The following NEGR1 variants were observed in gnomAD, a reference collection of about 807,000 sequenced individuals.
NEGR1 encodes the protein IgLON family member 4.
In NEGR1, 10 loss-of-function variants were observed where a neutral mutation model predicts 40.9. The ratio of observed to expected loss-of-function variants is 0.24; its 90% CI spans 0.15 to 0.42. NEGR1 has a LOEUF of 0.42. Ranked by LOEUF, NEGR1 falls within the 10% of genes least tolerant of loss-of-function variation. The pLI is 1.00. For synonymous variants in NEGR1, 185 were observed against 166.8 expected, an observed-to-expected ratio of 1.11 and a Z score of -0.84; for missense variants, 352 against 438.9, an observed-to-expected ratio of 0.80 and a Z score of 1.77.
At chr1:71,918,877 G>A (rs537334712) in intron 2 of NEGR1, among the ~76,000 whole-genome samples, 54 of 152,172 alleles carry the variant, frequency 3.5e-4, no homozygotes, top group Admixed American at 1.5e-3. Flanking sequence ...CAAGTTTATC[G>A]ATTAAAACCC....
chr1:71,434,688 A>G (rs902790612), intron 6 of NEGR1, among the ~76,000 whole-genome samples: 2 of 152,236 alleles, frequency 1.3e-5, no homozygotes, highest in Admixed American at 1.3e-4. Flanking sequence ...CATTATAAGA[A>G]AAAGTCGAAT....
At chr1:72,257,321 C>CAAAAAAA (rs34220734) in intron 1 of NEGR1, among the ~76,000 whole-genome samples, 33 of 57,118 alleles carry the variant, frequency 5.8e-4, no homozygotes, top group African/African-American at 1.9e-3. Flanking sequence ...GACTCTGTCT[C>CAAAAAAA]AAAAAAAAAA....
At chr1:71,502,107 A>ATAAATCTAAG (rs1647003415) in intron 6 of NEGR1, among the ~76,000 whole-genome samples, 1 of 152,196 alleles carries the variant, frequency 6.6e-6, no homozygotes, top group East Asian at 1.9e-4. Flanking sequence ...TCAAAGCATG[A>ATAAATCTAAG]TAAATCTAAG....
intron 4 of NEGR1, among the ~76,000 whole-genome samples, chr1:71,684,133 G>A (rs1322859159): frequency 4.6e-5 from 7 of 151,994 alleles, no homozygotes. Flanking sequence ...AGCCGGGCGT[G>A]GTGGTGGGCG....
At chr1:71,833,644 A>T (rs1267736265) in intron 2 of NEGR1, among the ~76,000 whole-genome samples, 2 of 152,108 alleles carry the variant, frequency 1.3e-5, no homozygotes, top group African/African-American at 4.8e-5. Context: ...AAGCTGGGTC[A>T]GTCTTTCAGC....
At chr1:71,706,118 C>T (rs942158437) in intron 3 of NEGR1, among the ~76,000 whole-genome samples, 7 of 152,210 alleles carry the variant, frequency 4.6e-5, no homozygotes, top group Non-Finnish European at 8.8e-5. Flanking sequence ...CCAGCCACCC[C>T]CTTCCCCAAG....
rs1331454867 is a variant in NEGR1, at chr1:71,402,503, G to A, written c.*4943C>T. The A allele has an allele frequency of 2.0e-5, 3 of 152,098 alleles. No homozygotes were observed. The highest frequency in any genetic ancestry group is 4.4e-5 in the Non-Finnish European group (3 of 67,982). The allele number at this position is 152,098 out of a possible 1,614,324, so 9.4% of individuals were successfully genotyped here. A position where few individuals can be genotyped will look rare whatever the true frequency, so the allele number is the denominator to read the frequency against. On this transcript the variant is annotated 3_prime_UTR_variant, in exon 7 of 7. Transcript: ENST00000357731. ...TCTTTTCCTTTTCTCTAGGAATACC[G>A]GAAAGCATGTATTTGTTTGCTAAAT...
chr1:71,555,132 G>C (rs1240086571), intron 6 of NEGR1, among the ~76,000 whole-genome samples: 5 of 151,602 alleles, frequency 3.3e-5, no homozygotes, highest in Admixed American at 1.3e-4. Context: ...AGAAGCCCTA[G>C]TTGGCCATTG....
At chr1:72,047,685 T>C (rs1267826493) in intron 1 of NEGR1, among the ~76,000 whole-genome samples, 1 of 151,446 alleles carries the variant, frequency 6.6e-6, no homozygotes, top group Non-Finnish European at 1.5e-5. Flanking sequence ...TTATAAGTAA[T>C]CACTCTACTC....
intron 2 of NEGR1, among the ~76,000 whole-genome samples, chr1:71,930,549 T>A (rs1183163312): frequency 3.9e-5 from 6 of 152,202 alleles, no homozygotes; most frequent in Non-Finnish European, 7.4e-5. Context: ...TGAATACTCC[T>A]CCATAAGCCA....
intron 5 of NEGR1, among the ~76,000 whole-genome samples, chr1:71,608,096 T>C (rs971947223): frequency 6.6e-6 from 1 of 152,222 alleles, no homozygotes; most frequent in Admixed American, 6.5e-5. Flanking sequence ...TCCTACTCCC[T>C]GCATATGCTC....
At chr1:71,713,463 G>A (rs774242451) in intron 3 of NEGR1, among the ~76,000 whole-genome samples, 7 of 152,186 alleles carry the variant, frequency 4.6e-5, no homozygotes, top group East Asian at 1.9e-4. Context: ...CTCCATCAAA[G>A]GAGTGTTTTG....
At chr1:72,207,494 G>T (rs1653453636) in intron 1 of NEGR1, among the ~76,000 whole-genome samples, 1 of 151,672 alleles carries the variant, frequency 6.6e-6, no homozygotes, top group Non-Finnish European at 1.5e-5. Flanking sequence ...GAGCCTTTGT[G>T]GATAAAACAA....
chr1:72,232,932 T>G (rs1654420752), intron 1 of NEGR1, among the ~76,000 whole-genome samples: 2 of 152,160 alleles, frequency 1.3e-5, no homozygotes, highest in Admixed American at 6.6e-5. Context: ...AACGGAAAGA[T>G]GTACACAGTA....
intron 4 of NEGR1, among the ~76,000 whole-genome samples, chr1:71,660,012 A>C (rs986682388): frequency 1.3e-5 from 2 of 152,222 alleles, no homozygotes; most frequent in Non-Finnish European, 2.9e-5. Context: ...TTTACCATAA[A>C]GACACATGCA....
chr1:71,786,451 G>A (rs1014128014), intron 2 of NEGR1, among the ~76,000 whole-genome samples: 3 of 152,102 alleles, frequency 2.0e-5, no homozygotes, highest in Admixed American at 6.6e-5. Flanking sequence ...GAAGGTAGTT[G>A]GATAAGTATT....
intron 1 of NEGR1, among the ~76,000 whole-genome samples, chr1:72,066,516 A>G (rs1057195844): frequency 1.3e-5 from 2 of 152,134 alleles, no homozygotes; most frequent in African/African-American, 2.4e-5. Flanking sequence ...CGTGACCCTC[A>G]ATGTGACTTT....
intron 2 of NEGR1, among the ~76,000 whole-genome samples, chr1:71,915,109 T>TA (rs1305140131): frequency 6.6e-6 from 1 of 152,124 alleles, no homozygotes; most frequent in Non-Finnish European, 1.5e-5. Flanking sequence ...CCTTTTTTTT[T>TA]AATGTTTTGT....
intron 1 of NEGR1, among the ~76,000 whole-genome samples, chr1:72,129,028 C>T (rs1389885709): frequency 6.6e-6 from 1 of 152,120 alleles, no homozygotes; most frequent in African/African-American, 2.4e-5. Context: ...CAGAGTGGTT[C>T]ACCTTGTTTT....
Sources: gnomAD v4.1 joint callset for allele counts (sites outside exome capture counted in the v4.1 genomes callset) on GRCh38, gnomAD v4.1.1 for gene constraint, MANE v1.5 for transcripts, NCBI Gene and HGNC (gene_info 2026-07-23, HGNC 2026-07-21) for gene names.